Variants in RIMS2 observed in about 807,000 individuals in gnomAD.
RIMS2 encodes regulating synaptic membrane exocytosis protein 2.
Under a neutral mutation model 174.4 loss-of-function variants are expected in RIMS2, and 59 were observed. The ratio of observed to expected loss-of-function variants is 0.34; its 90% CI spans 0.27 to 0.42. RIMS2 has a LOEUF of 0.42. Among genes scored for constraint, RIMS2 ranks in the 10% least tolerant of loss-of-function variants. RIMS2 has a pLI of 1.00. For missense variants in RIMS2, 1,620 were observed against 1,666.3 expected (o/e 0.97, Z 0.48); for synonymous variants, 606 against 572.5 (o/e 1.06, Z -0.84).
intron 1 of RIMS2, among the ~76,000 whole-genome samples, chr8:103,688,035 T>C (rs2096963891): frequency 1.3e-5 from 2 of 152,148 alleles, no homozygotes; most frequent in Admixed American, 1.3e-4. Flanking sequence ...AAGATCATGT[T>C]GTCCACAAAC....
intron 19 of RIMS2, among the ~76,000 whole-genome samples, chr8:104,195,587 T>C (rs993160852): frequency 6.7e-6 from 1 of 150,104 alleles, no homozygotes; most frequent in African/African-American, 2.4e-5. Flanking sequence ...CGATCTCGAC[T>C]CACTGCAACC....
chr8:103,884,645 G>GT (rs984085071), intron 3 of RIMS2, among the ~76,000 whole-genome samples: 11 of 151,842 alleles, frequency 7.2e-5, no homozygotes, highest in Admixed American at 5.3e-4. Flanking sequence ...AAAAATAGCA[G>GT]TTTTTTCTGA....
exon 1 of RIMS2, chr8:103,500,980 C>T (rs754286248): frequency 6.8e-6 from 11 of 1,611,450 alleles, no homozygotes; most frequent in South Asian, 2.2e-5. Flanking sequence ...CCTCAGCCAC[C>T]TCACGGAGGA....
chr8:103,912,118 G>A (rs2075786096), exon 6 of RIMS2: 2 of 1,607,738 alleles, frequency 1.2e-6, no homozygotes, highest in African/African-American at 1.3e-5. Flanking sequence ...TATTAAATAA[G>A]CGTCTAAAAG....
chr8:103,655,234 A>C (rs192496499), intron 1 of RIMS2, among the ~76,000 whole-genome samples: 120 of 152,072 alleles, frequency 7.9e-4, no homozygotes, highest in African/African-American at 2.7e-3. Flanking sequence ...TATATAAATT[A>C]AATAATTTTA....
intron 19 of RIMS2, among the ~76,000 whole-genome samples, chr8:104,096,802 A>C (rs891932356): frequency 1.3e-5 from 2 of 151,126 alleles, no homozygotes; most frequent in African/African-American, 2.4e-5. Flanking sequence ...CAGGAGGTGG[A>C]GGTTGCAGTG....
At chr8:103,660,514 AT>A (rs1299952479) in intron 1 of RIMS2, among the ~76,000 whole-genome samples, 2 of 152,106 alleles carry the variant, frequency 1.3e-5, no homozygotes, top group Non-Finnish European at 1.5e-5. Context: ...TCCTCATTTT[AT>A]TGGTGATGAT....
rs1588655203 is a variant in RIMS2, at chr8:103,600,272, TTTC to T, written c.177-96811_177-96809del. Among the ~76,000 whole-genome samples, 10 of 152,028 alleles carry T rather than the reference TTTC, an allele frequency of 6.6e-5. No individual in the cohort carries two copies. In the South Asian group the frequency reaches 1.5e-3, roughly 22 times the overall value. On this transcript the variant is annotated intron_variant, in intron 1 of 23. Coordinates refer to ENST00000504942, the Ensembl canonical transcript of RIMS2. ...ATAAATGCTACATTTTCTTTCTTTC[TTTC>T]TTTCTTTTTTCTGAGACAGAGTCTC...
intron 19 of RIMS2, among the ~76,000 whole-genome samples, chr8:104,217,474 GCC>G (rs2099135891): frequency 6.6e-6 from 1 of 152,056 alleles, no homozygotes. Context: ...TCACCTTGTT[GCC>G]CAGACTGGTC....
Position 103,976,990 on chromosome 8 carries a change from T to C in RIMS2, c.2927+1484T>C, listed in dbSNP as rs1365505524. Reference sequence around the variant, plus strand: ...TAATAGTTGAAGCTAACAAGAAATATGTGCATAATTTACATTGTACATACT... The same window carrying C: ...TAATAGTTGAAGCTAACAAGAAATACGTGCATAATTTACATTGTACATACT... On this transcript the variant is annotated intron_variant, in intron 16 of 23. Coordinates refer to ENST00000504942, the Ensembl canonical transcript of RIMS2. 3.3e-5 allele frequency: 5 copies of C among 152,222 alleles called. No individual in the cohort carries two copies. In the South Asian group the frequency reaches 1.0e-3, roughly 31 times the overall value. The allele number at this position is 152,222 out of a possible 1,614,324, so 9.4% of individuals were successfully genotyped here. A position where few individuals can be genotyped will look rare whatever the true frequency, so the allele number is the denominator to read the frequency against.
chr8:103,738,288 T>A (rs564103618), intron 2 of RIMS2, among the ~76,000 whole-genome samples: 2 of 152,268 alleles, frequency 1.3e-5, no homozygotes, highest in South Asian at 4.1e-4. Flanking sequence ...GATTTTAAAT[T>A]TCAGTCACTT....
intron 1 of RIMS2, among the ~76,000 whole-genome samples, chr8:103,575,159 A>T (rs2093121425): frequency 6.6e-6 from 1 of 152,232 alleles, no homozygotes; most frequent in Non-Finnish European, 1.5e-5. Context: ...AGATAAAAGA[A>T]CTTATATAAA....
At chr8:103,967,198 T>TTTTTTTTTTTC (rs2092121903) in intron 15 of RIMS2, among the ~76,000 whole-genome samples, 1 of 135,776 alleles carries the variant, frequency 7.4e-6, no homozygotes, top group Non-Finnish European at 1.6e-5. Context: ...TTTTTTTTTT[T>TTTTTTTTTTTC]TTGAGATAGA....
At chr8:104,120,143 C>A (rs2132279976) in intron 19 of RIMS2, among the ~76,000 whole-genome samples, 1 of 152,232 alleles carries the variant, frequency 6.6e-6, no homozygotes, top group African/African-American at 2.4e-5. Context: ...ATGTAGAGAG[C>A]AAACCAGATG....
At chr8:103,932,164 C>G (rs1473119834) in intron 12 of RIMS2, among the ~76,000 whole-genome samples, 2 of 152,182 alleles carry the variant, frequency 1.3e-5, no homozygotes, top group Non-Finnish European at 2.9e-5. Flanking sequence ...CTGCCTCCCA[C>G]GGCAGAGTGC....
chr8:103,776,592 A>G (rs2098320126), intron 3 of RIMS2, among the ~76,000 whole-genome samples: 1 of 152,092 alleles, frequency 6.6e-6, no homozygotes, highest in Admixed American at 6.6e-5. Context: ...TGCAATAAAT[A>G]TTTCAGCAGC....
chr8:103,672,174 G>C (rs931677726), intron 1 of RIMS2, among the ~76,000 whole-genome samples: 31 of 151,614 alleles, frequency 2.0e-4, no homozygotes, highest in Non-Finnish European at 2.8e-4. Context: ...AACAATATGG[G>C]ACAGTATCTG....
At chr8:103,590,101 CAAAG>C (rs1165246044) in intron 1 of RIMS2, among the ~76,000 whole-genome samples, 1 of 151,366 alleles carries the variant, frequency 6.6e-6, no homozygotes, top group Non-Finnish European at 1.5e-5. Context: ...GTTTGTAACT[CAAAG>C]AATAAATGCT....
intron 14 of RIMS2, among the ~76,000 whole-genome samples, chr8:103,957,060 A>G (rs375081763): frequency 6.6e-6 from 1 of 152,242 alleles, no homozygotes; most frequent in East Asian, 1.9e-4. Context: ...GTACCATCTC[A>G]TGCCAGTTAG....
Sources: allele counts gnomAD v4.1 joint callset (sites outside exome capture counted in the v4.1 genomes callset), GRCh38; gene constraint gnomAD v4.1.1; transcripts MANE v1.5; gene names NCBI Gene and HGNC (gene_info 2026-07-23, HGNC 2026-07-21).